Variants in CEP112 observed in about 807,000 individuals in gnomAD.
CEP112 encodes the protein centrosomal protein of 112 kDa.
In CEP112, 127 loss-of-function variants were observed where a neutral mutation model predicts 153.0. The ratio of observed to expected loss-of-function variants is 0.83; its 90% CI spans 0.72 to 0.96. The LOEUF is 0.96. CEP112 is among the 40% of genes least tolerant of loss of function. CEP112 has a pLI of 0.00. For missense variants in CEP112, 1,089 were observed against 1,101.2 expected (o/e 0.99, Z 0.16); for synonymous variants, 358 against 374.4 (o/e 0.96, Z 0.51).
In CEP112 at chr17:65,819,788, G is replaced by A. The variant is rs117571032; in HGVS notation, c.2394+32016C>T. Among the ~76,000 whole-genome samples, 1,375 of 152,062 alleles carry A rather than the reference G, an allele frequency of 9.0e-3. 9 individuals carry two copies. The highest frequency in any genetic ancestry group is 0.016 in the South Asian group (79 of 4,824). ...GCTAGCACACTTCAAAAGCGTCAAA[G>A]TCATGAAAGATCAGGAAAGACAGGG... On this transcript the variant is annotated intron_variant, in intron 21 of 26. Coordinates refer to ENST00000535342, the MANE Select transcript of CEP112 (RefSeq NM_001199165.4).
At chr17:66,042,143 G>A (rs2066010045) in intron 12 of CEP112, among the ~76,000 whole-genome samples, 1 of 152,134 alleles carries the variant, frequency 6.6e-6, no homozygotes, top group Non-Finnish European at 1.5e-5. Context: ...GAGGTCAGGA[G>A]TTCGAGACCA....
chr17:65,929,689 T>C (rs1051587041), intron 18 of CEP112, among the ~76,000 whole-genome samples: 1 of 152,174 alleles, frequency 6.6e-6, no homozygotes, highest in African/African-American at 2.4e-5. Context: ...CTGTCGTCAG[T>C]GAAATAGTAT....
intron 20 of CEP112, among the ~76,000 whole-genome samples, chr17:65,895,742 GT>G (rs1197710475): frequency 1.3e-5 from 2 of 152,050 alleles, no homozygotes; most frequent in Admixed American, 6.6e-5. Context: ...TGAATCATAG[GT>G]TTCTTATCTG....
intron 21 of CEP112, among the ~76,000 whole-genome samples, chr17:65,794,188 GT>G (rs1221680884): frequency 6.6e-6 from 1 of 152,176 alleles, no homozygotes. Context: ...GTCTTCTGTT[GT>G]AGGGTAAACT....
chr17:65,954,666 AAC>A (rs1267033727), intron 18 of CEP112, among the ~76,000 whole-genome samples: 1 of 152,116 alleles, frequency 6.6e-6, no homozygotes, highest in African/African-American at 2.4e-5. Context: ...ATATATAAAA[AAC>A]AATCATAATG....
intron 4 of CEP112, among the ~76,000 whole-genome samples, chr17:66,160,632 C>T (rs1364642270): frequency 6.6e-6 from 1 of 152,132 alleles, no homozygotes; most frequent in East Asian, 1.9e-4. Context: ...AACTGGCTAG[C>T]CATATGCAGA....
chr17:66,180,410 G>T (rs1476140500), intron 2 of CEP112, among the ~76,000 whole-genome samples: 1 of 151,926 alleles, frequency 6.6e-6, no homozygotes, highest in East Asian at 1.9e-4. Flanking sequence ...TAGATATATT[G>T]AAAAATCTTT....
intron 4 of CEP112, among the ~76,000 whole-genome samples, chr17:66,133,602 G>T (rs996752722): frequency 6.6e-6 from 1 of 152,090 alleles, no homozygotes; most frequent in African/African-American, 2.4e-5. Context: ...CCTTTAGCCT[G>T]GAGTCTCTCT....
rs370026993 is a variant in CEP112, at chr17:66,157,705, CAA to C, written c.470+17337_470+17338del. Among the ~76,000 whole-genome samples the C allele has an allele frequency of 1.8e-3, 167 of 93,794 alleles. 2 individuals are homozygous for C. The highest frequency in any genetic ancestry group is 0.015 in the Admixed American group (124 of 8,470). The allele number at this position is 93,794 out of a possible 152,430, so 61.5% of individuals were successfully genotyped here. Reference sequence around the variant, plus strand: ...GAATATTTACCAAGCAAATGGAAAGCAAAAAAAAAAAAAAAAAGCAGGGGTTG... The same window carrying C: ...GAATATTTACCAAGCAAATGGAAAGCAAAAAAAAAAAAAAAGCAGGGGTTG... On this transcript the variant is annotated intron_variant, in intron 4 of 26. Transcript: ENST00000535342.
intron 21 of CEP112, among the ~76,000 whole-genome samples, chr17:65,769,676 C>A (rs779014849): frequency 2.6e-4 from 40 of 152,102 alleles, no homozygotes; most frequent in Non-Finnish European, 2.7e-4. Flanking sequence ...AAGATAGTTT[C>A]TTCGATAAAT....
At chr17:66,093,585 A>C (rs1161613063) in intron 8 of CEP112, among the ~76,000 whole-genome samples, 2 of 145,038 alleles carry the variant, frequency 1.4e-5, no homozygotes, top group East Asian at 2.0e-4. Flanking sequence ...ACTAGGTACC[A>C]AAAAAAAAAA....
chr17:65,713,790 A>G (rs781300093), intron 23 of CEP112, among the ~76,000 whole-genome samples: 12 of 152,080 alleles, frequency 7.9e-5, no homozygotes, highest in South Asian at 6.3e-4. Context: ...GGGTTTCACC[A>G]TGTTAGCCAG....
At chr17:65,749,507 CA>C (rs927821909) in intron 22 of CEP112, among the ~76,000 whole-genome samples, 5 of 149,064 alleles carry the variant, frequency 3.4e-5, no homozygotes, top group East Asian at 2.0e-4. Flanking sequence ...GGCTCTGTCT[CA>C]AAAAAAAATA....
intron 2 of CEP112, among the ~76,000 whole-genome samples, chr17:66,180,004 G>T (rs2072651275): frequency 6.6e-6 from 1 of 152,090 alleles, no homozygotes; most frequent in Non-Finnish European, 1.5e-5. Context: ...ATTTGCATCT[G>T]TTGAACCATC....
At chr17:66,012,016 G>A (rs8077891) in intron 16 of CEP112, among the ~76,000 whole-genome samples, 76,825 of 152,072 alleles carry the variant, frequency 0.51, 20,270 homozygotes, top group African/African-American at 0.55. Context: ...TTTAAAGGCT[G>A]TTTTGTCTGA....
intron 18 of CEP112, among the ~76,000 whole-genome samples, chr17:65,958,305 G>A (rs2062069238): frequency 1.3e-5 from 2 of 152,138 alleles, no homozygotes; most frequent in African/African-American, 2.4e-5. Context: ...CCTTGGTTGT[G>A]TATAAAATGG....
intron 24 of CEP112, chr17:65,655,222 A>G: frequency 3.6e-6 from 3 of 840,106 alleles, no homozygotes; most frequent in Non-Finnish European, 2.1e-6. Context: ...CAACCTAAAC[A>G]CTTTTGAAGT....
chr17:66,153,433 G>A (rs2071291812), intron 4 of CEP112, among the ~76,000 whole-genome samples: 1 of 139,698 alleles, frequency 7.2e-6, no homozygotes, highest in Admixed American at 7.4e-5. Flanking sequence ...AGATACATAG[G>A]ACTACGTATT....
chr17:65,862,302 T>G (rs1291240770), intron 20 of CEP112, among the ~76,000 whole-genome samples: 3 of 152,148 alleles, frequency 2.0e-5, no homozygotes, highest in Non-Finnish European at 4.4e-5. Flanking sequence ...AGTGTTCCAA[T>G]TCTTGGCCGG....
Sources: allele counts gnomAD v4.1 joint callset (sites outside exome capture counted in the v4.1 genomes callset), GRCh38; gene constraint gnomAD v4.1.1; transcripts MANE v1.5; gene names NCBI Gene and HGNC (gene_info 2026-07-23, HGNC 2026-07-21).